Variants in CNTNAP2 observed in about 807,000 individuals in gnomAD.
The protein encoded by CNTNAP2 is contactin associated protein 2.
A neutral mutation model predicts 155.2 loss-of-function variants in CNTNAP2; 98 were observed. The observed-to-expected ratio is 0.63, with a 90% confidence interval of 0.54 to 0.75. CNTNAP2 has a LOEUF of 0.75. Among genes scored for constraint, CNTNAP2 ranks in the 30% least tolerant of loss-of-function variants. CNTNAP2 has a pLI of 0.00. For missense variants in CNTNAP2, 1,727 were observed against 1,688.1 expected (o/e 1.02, Z -0.40); for synonymous variants, 651 against 631.2 (o/e 1.03, Z -0.47).
At chr7:147,159,609 C>T (rs1434606666) in intron 8 of CNTNAP2, among the ~76,000 whole-genome samples, 1 of 152,126 alleles carries the variant, frequency 6.6e-6, no homozygotes, top group Non-Finnish European at 1.5e-5. Flanking sequence ...AAAGTAGTCT[C>T]ATCTCGTTTT....
intron 3 of CNTNAP2, among the ~76,000 whole-genome samples, chr7:147,014,577 T>C (rs919039989): frequency 2.0e-5 from 3 of 152,164 alleles, no homozygotes; most frequent in African/African-American, 7.2e-5. Context: ...AAATATTTAA[T>C]ATTTTCTCTT....
chr7:147,993,902 C>A (rs1801758305), intron 15 of CNTNAP2, among the ~76,000 whole-genome samples: 1 of 151,832 alleles, frequency 6.6e-6, no homozygotes, highest in South Asian at 2.1e-4. Flanking sequence ...ACAAGAAGCA[C>A]CTATTAAGGA....
At chr7:146,785,176 G>A (rs1196376450) in intron 2 of CNTNAP2, among the ~76,000 whole-genome samples, 6 of 151,870 alleles carry the variant, frequency 4.0e-5, no homozygotes, top group Non-Finnish European at 5.9e-5. Flanking sequence ...GTTTTGCCAT[G>A]TGTGTCAGGC....
intron 19 of CNTNAP2, among the ~76,000 whole-genome samples, chr7:148,222,544 ATGAATGGATCATT>A (rs1384146194): frequency 4.1e-5 from 6 of 146,086 alleles, no homozygotes; most frequent in African/African-American, 1.3e-4. Flanking sequence ...CCATGAATCG[ATGAATGGATCATT>A]CCATGAATCT....
chr7:146,389,329 T>G (rs1224567388), intron 1 of CNTNAP2, among the ~76,000 whole-genome samples: 1 of 152,106 alleles, frequency 6.6e-6, no homozygotes, highest in Non-Finnish European at 1.5e-5. Flanking sequence ...GCTTCAAAAC[T>G]GAAAACTGAT....
At chr7:148,079,899 G>A (rs1803562901) in intron 15 of CNTNAP2, among the ~76,000 whole-genome samples, 1 of 152,154 alleles carries the variant, frequency 6.6e-6, no homozygotes, top group African/African-American at 2.4e-5. Context: ...GTTAACTTTG[G>A]AATGCCCTTG....
intron 3 of CNTNAP2, among the ~76,000 whole-genome samples, chr7:146,989,411 G>A (rs1798170070): frequency 6.6e-6 from 1 of 152,090 alleles, no homozygotes; most frequent in African/African-American, 2.4e-5. Context: ...AGTAGTAGAT[G>A]TAGGACAAAG....
At chr7:147,606,979 A>C (rs78651359) in intron 12 of CNTNAP2, among the ~76,000 whole-genome samples, 9 of 152,080 alleles carry the variant, frequency 5.9e-5, no homozygotes, top group Non-Finnish European at 1.0e-4. Context: ...TACTTTTGTT[A>C]AAATTAAAGT....
chr7:147,008,899 A>G (rs1798574266), intron 3 of CNTNAP2, among the ~76,000 whole-genome samples: 1 of 151,928 alleles, frequency 6.6e-6, no homozygotes, highest in African/African-American at 2.4e-5. Flanking sequence ...GCCTTCACAA[A>G]GAGAAGTTGT....
chr7:147,584,887 G>C (rs1198668545), intron 12 of CNTNAP2, among the ~76,000 whole-genome samples: 1 of 152,148 alleles, frequency 6.6e-6, no homozygotes, highest in Non-Finnish European at 1.5e-5. Flanking sequence ...CAGCTCCCAG[G>C]ATCAGGGGAG....
At chr7:147,495,174 G>C (rs924127173) in intron 11 of CNTNAP2, among the ~76,000 whole-genome samples, 5 of 152,154 alleles carry the variant, frequency 3.3e-5, no homozygotes, top group African/African-American at 9.7e-5. Flanking sequence ...TGTATGATAT[G>C]AGAGAAAAAC....
intron 8 of CNTNAP2, among the ~76,000 whole-genome samples, chr7:147,251,311 A>G (rs566965818): frequency 2.4e-4 from 36 of 152,280 alleles, no homozygotes; most frequent in African/African-American, 8.4e-4. Context: ...GACCACCTGG[A>G]TCAGGACGAG....
chr7:147,722,712 C>T (rs1796583101), intron 13 of CNTNAP2, among the ~76,000 whole-genome samples: 1 of 152,038 alleles, frequency 6.6e-6, no homozygotes, highest in Non-Finnish European at 1.5e-5. Flanking sequence ...AATGTTATTG[C>T]TTAAACCTTT....
intron 19 of CNTNAP2, among the ~76,000 whole-genome samples, chr7:148,224,508 T>C (rs999111192): frequency 2.0e-5 from 3 of 152,118 alleles, no homozygotes; most frequent in African/African-American, 7.2e-5. Context: ...GCAGGAGGAA[T>C]GCACATCAGA....
intron 1 of CNTNAP2, among the ~76,000 whole-genome samples, chr7:146,313,792 A>T (rs1421587932): frequency 2.6e-5 from 4 of 152,088 alleles, no homozygotes; most frequent in South Asian, 2.1e-4. Context: ...TGAGGTCAGG[A>T]CTTTGAGACC....
At chr7:147,801,007 A>G (rs540004943) in intron 13 of CNTNAP2, among the ~76,000 whole-genome samples, 7 of 152,340 alleles carry the variant, frequency 4.6e-5, no homozygotes, top group African/African-American at 1.7e-4. Flanking sequence ...TGGTCATACA[A>G]TGACAACATC....
At chr7:146,305,922 C>T (rs1800702781) in intron 1 of CNTNAP2, among the ~76,000 whole-genome samples, 1 of 151,960 alleles carries the variant, frequency 6.6e-6, no homozygotes, top group Admixed American at 6.6e-5. Flanking sequence ...GAGATAGAGA[C>T]ACAAAATACC....
intron 1 of CNTNAP2, among the ~76,000 whole-genome samples, chr7:146,718,882 A>T (rs375343484): frequency 2.0e-4 from 30 of 152,264 alleles, no homozygotes; most frequent in African/African-American, 7.0e-4. Context: ...CTAATATGCC[A>T]AAGTTAAGCA....
intron 21 of CNTNAP2, among the ~76,000 whole-genome samples, chr7:148,342,935 G>C (rs1469769149): frequency 6.6e-6 from 1 of 152,238 alleles, no homozygotes; most frequent in Non-Finnish European, 1.5e-5. Flanking sequence ...GGTTTTCAAA[G>C]TGCAGAAGAA....
Sources: gnomAD v4.1 joint callset for allele counts (sites outside exome capture counted in the v4.1 genomes callset) on GRCh38, gnomAD v4.1.1 for gene constraint, MANE v1.5 for transcripts, NCBI Gene and HGNC (gene_info 2026-07-23, HGNC 2026-07-21) for gene names.